Variants in LAMC1 observed in about 807,000 individuals in gnomAD.
The protein encoded by LAMC1 is laminin subunit gamma 1, also known as laminin subunit gamma-1.
LAMC1 carries 38 observed loss-of-function variants against 173.6 expected under a neutral mutation model. The observed-to-expected ratio is 0.22, with a 90% CI of 0.17 to 0.29. The LOEUF (loss-of-function observed/expected upper bound fraction) is 0.29. Among genes scored for constraint, LAMC1 ranks in the 10% least tolerant of loss-of-function variants. The pLI, the probability that LAMC1 is intolerant of heterozygous loss-of-function variation, is 1.00. For synonymous variants in LAMC1, 746 were observed against 749.1 expected (o/e 1.00, Z 0.07); for missense variants, 1,824 against 2,051.8 (o/e 0.89, Z 2.14).
chr1:183,093,414 CTT>C (rs944798022), intron 1 of LAMC1, among the ~76,000 whole-genome samples: 5 of 152,112 alleles, frequency 3.3e-5, no homozygotes, highest in Admixed American at 2.0e-4. Flanking sequence ...GAATTCTACT[CTT>C]TTGGTATTCT....
chr1:183,038,287 A>G (rs1334333785), intron 1 of LAMC1, among the ~76,000 whole-genome samples: 3 of 152,052 alleles, frequency 2.0e-5, no homozygotes, highest in South Asian at 2.1e-4. Flanking sequence ...TCACCCACCT[A>G]AAGTCCTGGG....
At position 183,134,760 on chromosome 1, in the gene LAMC1, A is replaced by G; in HGVS notation, c.3950A>G (p.Lys1317Arg). Residue 1317 changes from lysine to arginine, a missense_variant, in exon 23 of 28, where the codon AAG becomes AGG. Transcript: ENST00000258341. ...YEDLREDMRG[K>R]ELEVKNLLEK... ...GACCTCAGAGAAGATATGAGAGGGA[A>G]GGAACTTGAAGTCAAGAACCTTCTG... The G allele has an allele frequency of 9.9e-6, 16 of 1,613,878 alleles. No homozygotes were observed. Among genetic ancestry groups the G allele is most frequent in the Non-Finnish European group, 1.4e-5 (16 of 1,179,844 alleles).
intron 19 of LAMC1, among the ~76,000 whole-genome samples, chr1:183,130,968 A>G (rs926733837): frequency 4.6e-5 from 7 of 152,188 alleles, no homozygotes; most frequent in Non-Finnish European, 1.0e-4. Flanking sequence ...TGAGGTCGAG[A>G]GTTCGAGACC....
chr1:183,116,122 T>G (rs1225564091), intron 6 of LAMC1, among the ~76,000 whole-genome samples: 6 of 120,514 alleles, frequency 5.0e-5, no homozygotes, highest in African/African-American at 1.4e-4. Flanking sequence ...AGAGCGAGAC[T>G]CTGTCTCAAA....
At position 183,119,854 on chromosome 1, in the gene LAMC1, C is replaced by T. The variant is rs1378635188; in HGVS notation, c.1990+1708C>T. Reference sequence around the variant, plus strand: ...TTTTGGATTGGTGATTCCTTAATCACTGCTGAGTTTTTGTTTTTAAGAAGT... The same window carrying T: ...TTTTGGATTGGTGATTCCTTAATCATTGCTGAGTTTTTGTTTTTAAGAAGT... On this transcript the variant is annotated intron_variant, in intron 11 of 27. Transcript: ENST00000258341. 2.0e-5 allele frequency among the ~76,000 whole-genome samples: 3 copies of T among 152,134 alleles called. No individual in the cohort carries two copies. The East Asian group carries it at 5.8e-4, about 29-fold the overall frequency.
chr1:183,033,947 CCTT>C (rs1431146995), intron 1 of LAMC1, among the ~76,000 whole-genome samples: 3 of 152,112 alleles, frequency 2.0e-5, no homozygotes, highest in Non-Finnish European at 2.9e-5. Flanking sequence ...GATGCACCCT[CCTT>C]GGCCTCCCAA....
intron 1 of LAMC1, among the ~76,000 whole-genome samples, chr1:183,067,107 A>G (rs559674201): frequency 4.5e-4 from 69 of 152,274 alleles, no homozygotes; most frequent in Middle Eastern, 3.4e-3. Context: ...TATAAGGTTA[A>G]TTTCTTGTTT....
chr1:183,064,241 C>T (rs570729602), intron 1 of LAMC1, among the ~76,000 whole-genome samples: 2 of 152,154 alleles, frequency 1.3e-5, no homozygotes, highest in Admixed American at 6.5e-5. Flanking sequence ...GAGAAATGCT[C>T]GTTAGGTGAT....
rs879874424 is a variant in LAMC1 at position 183,065,050 on chromosome 1, AT to A, written c.419-38267del. ...AGACAGTGGCCCTGGCTGGGAACTG[AT>A]TTTTTTTTTTCTTATCAGCATTATA... On this transcript the variant is annotated intron_variant, in intron 1 of 27. Transcript: ENST00000258341. Among the ~76,000 whole-genome samples, 859 of 148,644 alleles carry A rather than the reference AT, an allele frequency of 5.8e-3. 9 individuals carry two copies. The highest frequency in any genetic ancestry group is 0.018 in the African/African-American group (723 of 40,790).
chr1:183,038,434 G>T (rs1654040691), intron 1 of LAMC1, among the ~76,000 whole-genome samples: 1 of 152,210 alleles, frequency 6.6e-6, no homozygotes, highest in African/African-American at 2.4e-5. Context: ...AATGTCCTCA[G>T]TGTCCTCCCT....
intron 1 of LAMC1, among the ~76,000 whole-genome samples, chr1:183,036,471 C>T (rs1287629750): frequency 5.0e-5 from 7 of 139,922 alleles, no homozygotes; most frequent in African/African-American, 8.0e-5. Context: ...GGCGTGATCT[C>T]GGCACACTGC....
chr1:183,124,788 C>T lies in LAMC1; in HGVS notation c.2559C>T (p.Ile853=). 1.2e-6 allele frequency: 2 copies of T among 1,614,170 alleles called. No homozygotes were observed. The highest frequency in any genetic ancestry group is 1.7e-6 in the Non-Finnish European group (2 of 1,180,010). Residue 853 remains isoleucine (I), a synonymous_variant, in exon 14 of 28, where the codon ATC becomes ATT. Coordinates refer to ENST00000258341, the MANE Select transcript of LAMC1 (RefSeq NM_002293.4). The part of the protein sequence containing the change: ...NRLTGECLKC[I]YNTAGFYCDR... The stretch of plus-strand genomic sequence containing the variant: ...TGACGGGAGAATGCCTGAAGTGCAT[C>T]TATAACACTGCTGGCTTCTATTGTG...
At chr1:183,047,506 G>A (rs17533540) in intron 1 of LAMC1, among the ~76,000 whole-genome samples, 17,834 of 152,180 alleles carry the variant, frequency 0.12, 1,176 homozygotes, top group Admixed American at 0.21. Flanking sequence ...TATCATCTGA[G>A]AAAGGATTGC....
At chr1:183,077,793 T>TATATATATATATATATATATATATATAC (rs1558040719) in intron 1 of LAMC1, among the ~76,000 whole-genome samples, 7 of 147,134 alleles carry the variant, frequency 4.8e-5, no homozygotes, top group African/African-American at 1.5e-4. Flanking sequence ...TATATATATA[T>TATATATATATATATATATATATATATAC]ATACAGTAGC....
rs772760883 is a variant in LAMC1, at chr1:183,143,236, A to G, written c.*446A>G. On this transcript the variant is annotated 3_prime_UTR_variant, in exon 28 of 28. Transcript: ENST00000258341. ...TAACAGTAGCATTGTGATGGCCAGT[A>G]TATCCAGTCCATGGATAAAGAAAAT... The G allele has an allele frequency of 6.3e-6, 1 of 159,616 alleles. No homozygotes were observed. The highest frequency in any genetic ancestry group is 1.4e-5 in the Non-Finnish European group (1 of 71,668). 9.9% of individuals were successfully genotyped at this position (159,616 alleles called of 1,614,324 possible). A position where few individuals can be genotyped will look rare whatever the true frequency, so the allele number is the denominator to read the frequency against.
intron 1 of LAMC1, among the ~76,000 whole-genome samples, chr1:183,050,731 A>G (rs1654401934): frequency 6.6e-6 from 1 of 150,446 alleles, no homozygotes; most frequent in South Asian, 2.1e-4. Context: ...GTCTCTACTA[A>G]AAATACAAAA....
intron 1 of LAMC1, among the ~76,000 whole-genome samples, chr1:183,027,939 A>G (rs1449510477): frequency 1.3e-5 from 2 of 152,154 alleles, no homozygotes; most frequent in Non-Finnish European, 2.9e-5. Flanking sequence ...TTGTCTCACA[A>G]AGGCCTGATT....
Position 183,143,598 on chromosome 1 carries a change from C to A in LAMC1, c.*808C>A, listed in dbSNP as rs1015910712. Reference sequence around the variant, plus strand: ...GATATTCTTATAAATGGAACTTACACAGAAGAAATAGGGATATGATAACCA... The same window carrying A: ...GATATTCTTATAAATGGAACTTACAAAGAAGAAATAGGGATATGATAACCA... On this transcript the variant is annotated 3_prime_UTR_variant, in exon 28 of 28. Coordinates refer to ENST00000258341, the MANE Select transcript of LAMC1 (RefSeq NM_002293.4). 6.6e-6 allele frequency: 1 copy of A among 152,482 alleles called. No homozygotes were observed. The highest frequency in any genetic ancestry group is 1.5e-5 in the Non-Finnish European group (1 of 68,026). 9.4% of individuals were successfully genotyped at this position (152,482 alleles called of 1,614,324 possible). A position where few individuals can be genotyped will look rare whatever the true frequency, so the allele number is the denominator to read the frequency against.
intron 15 of LAMC1, 70 bp from the exon 16 acceptor site, chr1:183,126,050 T>TAAA: frequency 8.3e-6 from 11 of 1,323,576 alleles, no homozygotes; most frequent in Admixed American, 2.4e-5. Flanking sequence ...AGTGCTATAC[T>TAAA]AAAAAAAAAA....
Sources: gnomAD v4.1 joint callset for allele counts (sites outside exome capture counted in the v4.1 genomes callset) on GRCh38, gnomAD v4.1.1 for gene constraint, MANE v1.5 for transcripts, NCBI Gene and HGNC (gene_info 2026-07-23, HGNC 2026-07-21) for gene names.